The following SNRNP48 variants were observed in gnomAD, a reference collection of about 807,000 sequenced individuals.
SNRNP48 encodes the protein small nuclear ribonucleoprotein U11/U12 subunit 48.
In SNRNP48, 43 loss-of-function variants were observed where a neutral mutation model predicts 47.0. That is an observed-to-expected ratio of 0.92 (90% CI 0.72 to 1.18). The LOEUF is 1.18. SNRNP48 is among the 50% of genes most tolerant of loss of function. The probability of loss-of-function intolerance (pLI) is 0.00; values close to 1 mark genes in which losing one functional copy is unlikely to be tolerated. For missense variants in SNRNP48, 396 were observed against 422.2 expected (o/e 0.94, Z 0.54); for synonymous variants, 138 against 144.0 (o/e 0.96, Z 0.30).
Position 7,601,896 on chromosome 6 carries a change from C to T in SNRNP48, c.595+372C>T, listed in dbSNP as rs534733674. 2.6e-4 allele frequency among the ~76,000 whole-genome samples: 40 copies of T among 152,102 alleles called. No individual in the cohort carries two copies. The South Asian group carries it at 3.3e-3, about 13-fold the overall frequency. On this transcript the variant is annotated intron_variant, in intron 5 of 8. Coordinates refer to ENST00000342415, the MANE Select transcript of SNRNP48 (RefSeq NM_152551.4). ...TGAGACTGAGTCTTACTCTGTCACC[C>T]GGGCTGGAATGCAGTAGCGCGATCT...
chr6:7,602,490 T>C, intron 5 of SNRNP48, 133 bp from the exon 6 acceptor site: 2 of 669,566 alleles, frequency 3.0e-6, no homozygotes, highest in African/African-American at 1.9e-5. Flanking sequence ...ATAAATAATA[T>C]ACAATTTTTA....
intron 5 of SNRNP48, among the ~76,000 whole-genome samples, chr6:7,602,037 A>T (rs1375944356): frequency 6.6e-6 from 1 of 152,026 alleles, no homozygotes. Context: ...TATTTTTAGT[A>T]GAGATGGGGT....
In SNRNP48 at chr6:7,605,379, G is replaced by A. The variant is rs774318647; in HGVS notation, c.718-19G>A. 16 of 1,607,122 alleles carry A rather than the reference G, an allele frequency of 1.0e-5. No homozygotes were observed. The African/African-American group carries it at 1.2e-4, about 12-fold the overall frequency. ...TGAGCAGTTTTCTTACCTGAAGTTC[G>A]GTGCTTACCTCTCCCAAGGTGATTC... On this transcript the variant is annotated intron_variant, in intron 6 of 8. Coordinates refer to ENST00000342415, the MANE Select transcript of SNRNP48 (RefSeq NM_152551.4).
At position 7,605,491 on chromosome 6, in the gene SNRNP48, G is replaced by A. The variant is rs373072267; in HGVS notation, c.806+5G>A. On this transcript the variant is annotated splice_donor_5th_base_variant and intron_variant, in intron 7 of 8. Transcript: ENST00000342415. ...GGCAGAGGATGATGCCGAAAAGTAC[G>A]TCATTATCTTTATTGGTGAAAATAC... is the stretch of plus-strand genomic sequence containing the variant. 6.8e-5 allele frequency: 109 copies of A among 1,611,176 alleles called. No homozygotes were observed. The African/African-American group carries it at 8.5e-4, about 13-fold the overall frequency.
At chr6:7,608,488 A>T (rs1236282157) in intron 8 of SNRNP48, among the ~76,000 whole-genome samples, 2 of 152,140 alleles carry the variant, frequency 1.3e-5, no homozygotes, top group African/African-American at 4.8e-5. Context: ...CGGGAGGCGA[A>T]GGTTGCAGTG....
In SNRNP48 at chr6:7,608,520, G is replaced by C. The variant is rs560840271; in HGVS notation, c.972-305G>C. Among the ~76,000 whole-genome samples the C allele has an allele frequency of 3.9e-5, 6 of 152,086 alleles. No individual in the cohort carries two copies. In the East Asian group the frequency reaches 1.2e-3, roughly 29 times the overall value. ...AGTGAGCCAAGATCGTGCCATTTGCGCTCCAGCCTGGGCAACAAGAGTGAA... is the reference window on the plus strand; with the variant it reads ...AGTGAGCCAAGATCGTGCCATTTGCCCTCCAGCCTGGGCAACAAGAGTGAA... On this transcript the variant is annotated intron_variant, in intron 8 of 8. Coordinates refer to ENST00000342415, the MANE Select transcript of SNRNP48 (RefSeq NM_152551.4).
At chr6:7,601,253 C>A in intron 4 of SNRNP48, 83 bp from the exon 5 acceptor site, 1 of 1,113,908 alleles carries the variant, frequency 9.0e-7, no homozygotes, top group Non-Finnish European at 1.2e-6. Context: ...ATTATTAAAG[C>A]ACATGTTTAA....
chr6:7,599,150 G>A (rs1759964642), intron 4 of SNRNP48, among the ~76,000 whole-genome samples: 1 of 152,144 alleles, frequency 6.6e-6, no homozygotes, highest in Non-Finnish European at 1.5e-5. Flanking sequence ...GTAACGTTAA[G>A]GAATTGACTC....
At chr6:7,596,053 C>G (rs113072585) in intron 4 of SNRNP48, among the ~76,000 whole-genome samples, 10,588 of 152,258 alleles carry the variant, frequency 0.07, 492 homozygotes, top group Non-Finnish European at 0.1. Context: ...CATCTGAGGT[C>G]AGAAGTTCAA....
intron 8 of SNRNP48, among the ~76,000 whole-genome samples, chr6:7,607,552 ACTC>A (rs1347075154): frequency 1.3e-5 from 2 of 151,696 alleles, no homozygotes; most frequent in East Asian, 3.9e-4. Context: ...TACTTGGTAA[ACTC>A]CTCCTCATCC....
Position 7,602,698 on chromosome 6 carries a change from C to T in SNRNP48, c.671C>T (p.Ser224Phe). ...EVRDYKRRRQSYRAKNVHITK... is the reference protein window; with the variant it reads ...EVRDYKRRRQFYRAKNVHITK... ...CGAGATTATAAAAGAAGACGCCAGTCCTATAGAGCCAAGAATGTTCACATA... is the reference window on the plus strand; with the variant it reads ...CGAGATTATAAAAGAAGACGCCAGTTCTATAGAGCCAAGAATGTTCACATA... The change falls in exon 6 of 9, where the codon TCC becomes TTC. Residue 224 changes from serine (S) to phenylalanine (F), a missense_variant. Coordinates refer to ENST00000342415, the MANE Select transcript of SNRNP48 (RefSeq NM_152551.4). 2 of 1,601,404 alleles carry T rather than the reference C, an allele frequency of 1.2e-6. No homozygotes were observed. Among genetic ancestry groups the T allele is most frequent in the South Asian group, 1.1e-5 (1 of 88,498 alleles).
At chr6:7,593,603 G>T in intron 1 of SNRNP48, 131 bp from the exon 2 acceptor site, 1 of 476,466 alleles carries the variant, frequency 2.1e-6, no homozygotes, top group Non-Finnish European at 3.6e-6. Context: ...ACTACATGGG[G>T]GTTGAGAGAG....
At chr6:7,601,202 G>T in intron 4 of SNRNP48, 134 bp from the exon 5 acceptor site, 5 of 572,786 alleles carry the variant, frequency 8.7e-6, no homozygotes, top group South Asian at 2.8e-5. Context: ...TTGATATTTT[G>T]TATACTTAGG....
intron 6 of SNRNP48, among the ~76,000 whole-genome samples, chr6:7,603,767 A>C (rs895382191): frequency 4.6e-5 from 7 of 152,162 alleles, no homozygotes; most frequent in Admixed American, 1.3e-4. Context: ...TTTAGACTTA[A>C]CTTAGCAAGT....
In SNRNP48 at chr6:7,601,389, T is replaced by C; in HGVS notation, c.460T>C (p.Cys154Arg). 6.3e-7 allele frequency: 1 copy of C among 1,587,718 alleles called. No homozygotes were observed. The highest frequency in any genetic ancestry group is 8.5e-7 in the Non-Finnish European group (1 of 1,174,038). The change falls in exon 5 of 9, where the codon TGT becomes CGT. Residue 154 changes from cysteine (C) to arginine (R), a missense_variant. Cys to Arg is a radical substitution (Grantham distance 180). Coordinates refer to ENST00000342415, the MANE Select transcript of SNRNP48 (RefSeq NM_152551.4). ...EVPLNHKRFV[C>R]DLTQADRLAL... The stretch of plus-strand genomic sequence containing the variant: ...TCCTTTGAATCACAAACGGTTTGTT[T>C]GTGATCTAACTCAAGCTGATCGTCT...
Position 7,602,718 on chromosome 6 carries a change from C to T in SNRNP48, c.691C>T (p.His231Tyr). Residue 231 changes from histidine to tyrosine, a missense_variant, in exon 6 of 9, where the codon CAC (histidine) becomes TAC (tyrosine). Transcript: ENST00000342415. The stretch of plus-strand genomic sequence containing the variant: ...CCAGTCCTATAGAGCCAAGAATGTT[C>T]ACATAACCAAGAAATCATATACTGA... ...RRQSYRAKNVHITKKSYTEVI... is the reference protein window; with the variant it reads ...RRQSYRAKNVYITKKSYTEVI... 6.3e-7 allele frequency: 1 copy of T among 1,588,130 alleles called. No individual in the cohort carries two copies. The highest frequency in any genetic ancestry group is 1.8e-5 in the Admixed American group (1 of 54,820).
Position 7,590,408 on chromosome 6 carries a change from GC to G in SNRNP48, c.152del (p.Ala51GlyfsTer6). ...DSLDPGEEEA[A>X]EDEVVICPYD... ...TCTGGATCCCGGGGAAGAGGAGGCG[GC>G]GGAGGTGAGGAGCGCGGCCGCGGGG... On this transcript the variant is annotated frameshift_variant, in exon 1 of 9. Coordinates refer to ENST00000342415, the MANE Select transcript of SNRNP48 (RefSeq NM_152551.4). LOFTEE classifies it high-confidence loss of function. 1 of 1,313,284 alleles carries G rather than the reference GC, an allele frequency of 7.6e-7. No homozygotes were observed. 81.4% of individuals were successfully genotyped at this position (1,313,284 alleles called of 1,614,324 possible).
At chr6:7,598,349 G>A (rs1171527559) in intron 4 of SNRNP48, among the ~76,000 whole-genome samples, 1 of 151,888 alleles carries the variant, frequency 6.6e-6, no homozygotes, top group African/African-American at 2.4e-5. Flanking sequence ...ACAAAAATTA[G>A]CCAGGCGCTA....
At position 7,601,537 on chromosome 6, in the gene SNRNP48, C is replaced by T. The variant is rs750378239; in HGVS notation, c.595+13C>T. 8 of 1,547,658 alleles carry T rather than the reference C, an allele frequency of 5.2e-6. No individual in the cohort carries two copies. In the African/African-American group the frequency reaches 9.8e-5, roughly 19 times the overall value. On this transcript the variant is annotated intron_variant, in intron 5 of 8. Transcript: ENST00000342415. The stretch of plus-strand genomic sequence containing the variant: ...AAAATCAATCAAGGTTTGAGATGCA[C>T]ATCATGGCTTTACATTTCTTCATTA...
Sources: gnomAD v4.1 joint callset for allele counts (sites outside exome capture counted in the v4.1 genomes callset) on GRCh38, gnomAD v4.1.1 for gene constraint, MANE v1.5 for transcripts, NCBI Gene and HGNC (gene_info 2026-07-23, HGNC 2026-07-21) for gene names.